The following ADAM12 variants were observed in gnomAD, a reference collection of about 807,000 sequenced individuals.
ADAM12 encodes the protein ADAM metallopeptidase domain 12, also known as disintegrin and metalloproteinase domain-containing protein 12.
In ADAM12, 70 loss-of-function variants were observed where a neutral mutation model predicts 106.4. That is an observed-to-expected ratio of 0.66 (90% confidence interval 0.54 to 0.80). The LOEUF (loss-of-function observed/expected upper bound fraction) is 0.80. Ranked by LOEUF, ADAM12 falls within the 30% of genes least tolerant of loss-of-function variation. ADAM12 has a pLI of 0.00. For synonymous variants in ADAM12, 420 were observed against 433.5 expected, an observed-to-expected ratio of 0.97 and a Z score of 0.39; for missense variants, 1,010 against 1,171.9, an observed-to-expected ratio of 0.86 and a Z score of 2.02.
In ADAM12 at chr10:126,132,131, C is replaced by T. The variant is rs372709086; in HGVS notation, c.416+3453G>A. 1.8e-4 allele frequency among the ~76,000 whole-genome samples: 28 copies of T among 152,160 alleles called. 1 individual carries two copies. Among genetic ancestry groups the T allele is most frequent in the Non-Finnish European group, 2.8e-4 (19 of 68,000 alleles). ...CTGGGACTACAGGAGCATGCCACCA[C>T]GCCCAGCTAATTTTCGTATTTTTAG... On this transcript the variant is annotated intron_variant, in intron 5 of 22. Transcript: ENST00000448723.
At chr10:126,363,858 G>A (rs1855820413) in intron 1 of ADAM12, among the ~76,000 whole-genome samples, 2 of 152,120 alleles carry the variant, frequency 1.3e-5, no homozygotes, top group African/African-American at 2.4e-5. Flanking sequence ...TATAAACAGA[G>A]AACTAAGACC....
chr10:126,278,780 C>T, intron 3 of ADAM12, 135 bp downstream of exon 3: 13 of 597,412 alleles, frequency 2.2e-5, no homozygotes, highest in East Asian at 6.1e-5. Flanking sequence ...TAATTCTCAC[C>T]TCAAATCCAA....
Position 126,388,085 on chromosome 10 carries a change from C to A in ADAM12, c.61G>T (p.Ala21Ser). ...ARALLLALAG[A>S]LLAPCEARGV... ...CGGGCCTCGCAGGGCGCGAGCAGAG[C>A]ACCGGCCAGGGCGAGCAGGAGGGCG... Residue 21 changes from alanine (A) to serine (S), a missense_variant, in exon 1 of 23, where the codon GCT (alanine) becomes TCT (serine). By Grantham distance (99) the Ala-to-Ser change is moderately conservative. Around this residue, in one of 3 missense-constraint regions of ADAM12, gnomAD observed 391 missense variants for 442.9 expected, o/e 0.88. Transcript: ENST00000448723. The surrounding 1 kb of genome is among the most constrained non-coding windows in gnomAD (Gnocchi z 4.4). The A allele has an allele frequency of 8.1e-7, 1 of 1,234,136 alleles. No homozygotes were observed. The highest frequency in any genetic ancestry group is 1.0e-6 in the Non-Finnish European group (1 of 987,982). 76.4% of individuals were successfully genotyped at this position (1,234,136 alleles called of 1,614,324 possible). A position where few individuals can be genotyped will look rare whatever the true frequency, so the allele number is the denominator to read the frequency against.
intron 1 of ADAM12, among the ~76,000 whole-genome samples, chr10:126,348,678 G>A (rs11244965): frequency 0.046 from 6,973 of 152,150 alleles, 545 homozygotes; most frequent in African/African-American, 0.16. Flanking sequence ...TGTGCCACGT[G>A]GACTTGCAAA....
Position 126,302,966 on chromosome 10 carries a change from G to A in ADAM12, c.187-23978C>T, listed in dbSNP as rs750072190. 2.6e-5 allele frequency among the ~76,000 whole-genome samples: 4 copies of A among 152,152 alleles called. No individual in the cohort carries two copies. The South Asian group carries it at 8.3e-4, about 32-fold the overall frequency. On this transcript the variant is annotated intron_variant, in intron 2 of 22. Coordinates refer to ENST00000448723, the MANE Select transcript of ADAM12 (RefSeq NM_001288973.2). ...CAAAGGAAGAGGGGGCATGGTTTTG[G>A]AACAGGCTGGGCATTAAGGATAAAA...
At chr10:126,248,306 C>G (rs113336916) in intron 3 of ADAM12, among the ~76,000 whole-genome samples, 1,573 of 152,196 alleles carry the variant, frequency 0.01, 15 homozygotes, top group African/African-American at 0.027. Flanking sequence ...CTTGCAAGGC[C>G]CCCGCCCCTG....
chr10:126,210,358 C>A (rs1359926109), intron 3 of ADAM12, among the ~76,000 whole-genome samples: 1 of 152,178 alleles, frequency 6.6e-6, no homozygotes, highest in Admixed American at 6.5e-5. Context: ...AGAGAGACAG[C>A]CCCTACAGCA....
chr10:126,162,000 A>C (rs1477115934), intron 3 of ADAM12, among the ~76,000 whole-genome samples: 1 of 152,212 alleles, frequency 6.6e-6, no homozygotes, highest in Non-Finnish European at 1.5e-5. Flanking sequence ...TAACTGTGCC[A>C]GGAGTTGATT....
At chr10:126,069,857 C>T (rs1470273428) in intron 12 of ADAM12, among the ~76,000 whole-genome samples, 3 of 151,522 alleles carry the variant, frequency 2.0e-5, no homozygotes, top group African/African-American at 4.9e-5. Flanking sequence ...GTGGTGGTGG[C>T]GATTGTGGAG....
At chr10:126,307,955 G>T (rs1043282556) in intron 2 of ADAM12, among the ~76,000 whole-genome samples, 2 of 152,138 alleles carry the variant, frequency 1.3e-5, no homozygotes, top group African/African-American at 4.8e-5. Flanking sequence ...ACTGTGTATG[G>T]CAGTGCCATA....
chr10:126,086,680 A>AAAAAAAATATATATATAT (rs1554966976), intron 11 of ADAM12, among the ~76,000 whole-genome samples: 6 of 24,270 alleles, frequency 2.5e-4, no homozygotes, highest in Non-Finnish European at 2.3e-4. Flanking sequence ...AAAAAAAAAA[A>AAAAAAAATATATATATAT]ATATATATAT....
intron 3 of ADAM12, among the ~76,000 whole-genome samples, chr10:126,278,244 G>A (rs911694133): frequency 1.3e-5 from 2 of 152,172 alleles, no homozygotes; most frequent in South Asian, 2.1e-4. Context: ...ATATTAAGGA[G>A]TCCTTTAGAT....
At chr10:126,381,194 A>G (rs1248147165) in intron 1 of ADAM12, among the ~76,000 whole-genome samples, 1 of 152,254 alleles carries the variant, frequency 6.6e-6, no homozygotes, top group Non-Finnish European at 1.5e-5. Context: ...GGAGTTAGAA[A>G]GTGCCAAATG....
At chr10:126,042,371 G>A (rs1248452302) in intron 18 of ADAM12, 13 of 1,135,946 alleles carry the variant, frequency 1.1e-5, no homozygotes, top group Non-Finnish European at 1.5e-5. Context: ...AAGCACAGCT[G>A]CTACTAAGAG....
chr10:126,295,134 A>AT lies in ADAM12; in HGVS notation c.187-16147dup, dbSNP rs575232549. ...AGAGCTTCAGAGGAAACTATAACTC[A>AT]TTTTTTTTTAATATTATAGCTTCCT... On this transcript the variant is annotated intron_variant, in intron 2 of 22. Coordinates refer to ENST00000448723, the MANE Select transcript of ADAM12 (RefSeq NM_001288973.2). Among the ~76,000 whole-genome samples, 318 of 151,444 alleles carry AT rather than the reference A, an allele frequency of 2.1e-3. 2 individuals carry two copies. The highest frequency in any genetic ancestry group is 3.4e-3 in the Middle Eastern group (1 of 292).
intron 1 of ADAM12, among the ~76,000 whole-genome samples, chr10:126,343,506 T>C (rs967108522): frequency 1.3e-5 from 2 of 152,226 alleles, no homozygotes; most frequent in African/African-American, 4.8e-5. Flanking sequence ...CATGTATCTT[T>C]ATAGCAGCAT....
chr10:126,024,698 T>C (rs937217512), intron 21 of ADAM12, among the ~76,000 whole-genome samples: 4 of 151,792 alleles, frequency 2.6e-5, no homozygotes, highest in African/African-American at 7.3e-5. Flanking sequence ...TAGGGGAGAA[T>C]GAGAAACCAG....
At chr10:126,212,429 G>T (rs1375823185) in intron 3 of ADAM12, among the ~76,000 whole-genome samples, 1 of 152,174 alleles carries the variant, frequency 6.6e-6, no homozygotes, top group Non-Finnish European at 1.5e-5. Flanking sequence ...CTGCCCCTCA[G>T]CTTTGTGAAA....
intron 3 of ADAM12, among the ~76,000 whole-genome samples, chr10:126,235,445 C>T (rs1958395447): frequency 6.6e-6 from 1 of 152,190 alleles, no homozygotes; most frequent in Non-Finnish European, 1.5e-5. Context: ...GGAGCGCGGA[C>T]CGCTGGGCTC....
Sources: allele counts gnomAD v4.1 joint callset (sites outside exome capture counted in the v4.1 genomes callset), GRCh38; gene constraint gnomAD v4.1.1; regional missense constraint gnomAD v4.1.1; non-coding constraint Gnocchi (gnomAD v3.1); transcripts MANE v1.5; gene names NCBI Gene and HGNC (gene_info 2026-07-23, HGNC 2026-07-21).